The following PPARG variants were observed in gnomAD, a reference collection of about 807,000 sequenced individuals.
PPARG encodes peroxisome proliferator activated receptor gamma.
PPARG carries 17 observed loss-of-function variants against 39.2 expected under a neutral mutation model. That is an observed-to-expected ratio of 0.43 (90% CI 0.30 to 0.65). The LOEUF (loss-of-function observed/expected upper bound fraction) is 0.65, where lower values mean the gene tolerates loss of function less well. Ranked by LOEUF, PPARG falls within the 30% of genes least tolerant of loss-of-function variation. The probability of loss-of-function intolerance (pLI) is 0.13; values close to 1 mark genes in which losing one functional copy is unlikely to be tolerated. For synonymous variants in PPARG, 223 were observed against 215.7 expected, an observed-to-expected ratio of 1.03 and a Z score of -0.30; for missense variants, 406 against 585.9, an observed-to-expected ratio of 0.69 and a Z score of 3.17.
intron 2 of PPARG, among the ~76,000 whole-genome samples, chr3:12,349,740 C>T (rs530819512): frequency 3.5e-4 from 53 of 152,188 alleles, no homozygotes; most frequent in African/African-American, 1.2e-3. Context: ...TGGGGGAAGA[C>T]GGAATGTCAG....
chr3:12,379,721 A>T lies in PPARG; in HGVS notation c.10A>T (p.Thr4Ser). The change falls in exon 3 of 8, where the codon ACA (threonine) becomes TCA (serine). Residue 4 changes from threonine (T) to serine (S), a missense_variant. Around this residue, in one of 2 missense-constraint regions of PPARG, gnomAD observed 131 missense variants for 127.9 expected, o/e 1.02. Transcript: ENST00000651735. MVDTEMPFWPTNFG... is the reference protein window; with the variant it reads MVDSEMPFWPTNFG... ...CCTTTCAGAAATGACCATGGTTGAC[A>T]CAGAGATGCCATTCTGGCCCACCAA... 1 of 1,613,966 alleles carries T rather than the reference A, an allele frequency of 6.2e-7. No homozygotes were observed. Among genetic ancestry groups the T allele is most frequent in the Non-Finnish European group, 8.5e-7 (1 of 1,179,886 alleles).
chr3:12,329,951 G>C (rs968227181), intron 2 of PPARG, among the ~76,000 whole-genome samples: 2 of 152,152 alleles, frequency 1.3e-5, no homozygotes, highest in Non-Finnish European at 2.9e-5. Flanking sequence ...CATCCATGTT[G>C]TAGCATGTAT....
chr3:12,351,103 C>A (rs373361158), intron 2 of PPARG, among the ~76,000 whole-genome samples: 1 of 151,998 alleles, frequency 6.6e-6, no homozygotes, highest in Non-Finnish European at 1.5e-5. Flanking sequence ...GAATAGACAC[C>A]GAAAGAAAAC....
intron 2 of PPARG, among the ~76,000 whole-genome samples, chr3:12,341,244 A>G (rs1393337224): frequency 3.3e-5 from 5 of 152,150 alleles, no homozygotes; most frequent in Non-Finnish European, 7.4e-5. Context: ...TTAACTGTCC[A>G]TAGGGCCAAG....
At chr3:12,372,867 T>C (rs2049271791) in intron 2 of PPARG, among the ~76,000 whole-genome samples, 1 of 152,226 alleles carries the variant, frequency 6.6e-6, no homozygotes, top group South Asian at 2.1e-4. Flanking sequence ...TTTGAAGGTC[T>C]AAGATAATGG....
rs751869756 is a variant in PPARG at position 12,433,983 on chromosome 3, C to T, written c.1266C>T (p.Asn422=). The change falls in exon 8 of 8, where the codon AAC becomes AAT. Residue 422 remains asparagine (N), a synonymous_variant. Coordinates refer to ENST00000651735, the MANE Select transcript of PPARG (RefSeq NM_138711.6). The stretch of plus-strand genomic sequence containing the variant: ...CCCTGGAGCTCCAGCTGAAGCTGAA[C>T]CACCCTGAGTCCTCACAGCTGTTTG... ...LQALELQLKL[N]HPESSQLFAK... The T allele has an allele frequency of 3.1e-6, 5 of 1,614,106 alleles. No homozygotes were observed. Among genetic ancestry groups the T allele is most frequent in the East Asian group, 2.2e-5 (1 of 44,898 alleles).
chr3:12,383,237 AT>A (rs201265527), intron 4 of PPARG, among the ~76,000 whole-genome samples: 3,637 of 152,258 alleles, frequency 0.024, 71 homozygotes, highest in Non-Finnish European at 0.033. Context: ...TAATTTCAAA[AT>A]GACACTTTGA....
chr3:12,354,775 A>G (rs1052267085), intron 2 of PPARG, among the ~76,000 whole-genome samples: 1 of 151,012 alleles, frequency 6.6e-6, no homozygotes, highest in Non-Finnish European at 1.5e-5. Flanking sequence ...AAAAAAAGAA[A>G]AGAAACCTAC....
At chr3:12,399,315 T>C (rs1475898407) in intron 5 of PPARG, 1 of 455,380 alleles carries the variant, frequency 2.2e-6, no homozygotes, top group South Asian at 1.6e-5. Context: ...TAATTTAATA[T>C]TAGTGCTAAA....
chr3:12,392,171 C>A (rs1438953749), intron 4 of PPARG, among the ~76,000 whole-genome samples: 1 of 152,064 alleles, frequency 6.6e-6, no homozygotes, highest in Non-Finnish European at 1.5e-5. Context: ...TTTTATTGGC[C>A]CTGATCATGT....
intron 2 of PPARG, among the ~76,000 whole-genome samples, chr3:12,355,157 G>C (rs1165255321): frequency 6.6e-6 from 1 of 151,658 alleles, no homozygotes; most frequent in Non-Finnish European, 1.5e-5. Context: ...TTTTGAGACA[G>C]AGCCTCACTC....
chr3:12,399,888 G>C (rs1291273347), intron 5 of PPARG, among the ~76,000 whole-genome samples: 5 of 151,210 alleles, frequency 3.3e-5, no homozygotes, highest in Admixed American at 6.6e-5. Flanking sequence ...CACTTGGGAG[G>C]CTGAGGCAGA....
At chr3:12,407,702 G>A (rs1416302936) in intron 6 of PPARG, among the ~76,000 whole-genome samples, 2 of 152,174 alleles carry the variant, frequency 1.3e-5, no homozygotes. Flanking sequence ...AACCTTTCAT[G>A]TATTTTGATG....
intron 2 of PPARG, among the ~76,000 whole-genome samples, chr3:12,351,877 A>G (rs180729022): frequency 1.3e-5 from 2 of 152,266 alleles, no homozygotes; most frequent in Admixed American, 1.3e-4. Flanking sequence ...AACCTAATCT[A>G]TTTTATCTCT....
intron 5 of PPARG, among the ~76,000 whole-genome samples, chr3:12,404,324 TAGTC>T (rs1393320741): frequency 1.3e-5 from 2 of 152,336 alleles, no homozygotes; most frequent in African/African-American, 4.8e-5. Flanking sequence ...ATAGTTGTAT[TAGTC>T]AGCGATAAAA....
chr3:12,298,588 A>G (rs1354135130), intron 1 of PPARG, among the ~76,000 whole-genome samples: 1 of 152,162 alleles, frequency 6.6e-6, no homozygotes, highest in Non-Finnish European at 1.5e-5. Context: ...GGCATGTCCT[A>G]GAATAATCTT....
chr3:12,433,771 G>A (rs2051752259), intron 7 of PPARG, 127 bp from the exon 8 acceptor site: 12 of 1,340,502 alleles, frequency 9.0e-6, no homozygotes, highest in Non-Finnish European at 1.3e-5. Context: ...ACCTATTTAA[G>A]ATACAAAGCA....
intron 2 of PPARG, among the ~76,000 whole-genome samples, chr3:12,377,735 T>C (rs1031298762): frequency 6.6e-6 from 1 of 152,126 alleles, no homozygotes; most frequent in African/African-American, 2.4e-5. Context: ...GTGCACACTT[T>C]AAAAACAATC....
intron 7 of PPARG, among the ~76,000 whole-genome samples, chr3:12,420,247 G>A (rs1245442013): frequency 6.6e-6 from 1 of 152,244 alleles, no homozygotes; most frequent in African/African-American, 2.4e-5. Context: ...GCTTTATGAA[G>A]TGAGATCTGA....
Sources: gnomAD v4.1 joint callset for allele counts (sites outside exome capture counted in the v4.1 genomes callset) on GRCh38, gnomAD v4.1.1 for gene constraint, gnomAD v4.1.1 regional missense constraint, MANE v1.5 for transcripts, NCBI Gene and HGNC (gene_info 2026-07-23, HGNC 2026-07-21) for gene names.